Variants in GPC5 observed in about 807,000 individuals in gnomAD.
GPC5 encodes glypican-5.
Under a neutral mutation model 53.9 loss-of-function variants are expected in GPC5, and 47 were observed. The ratio of observed to expected loss-of-function variants is 0.87; its 90% confidence interval spans 0.69 to 1.11. GPC5 has a LOEUF of 1.11. Ranked by LOEUF, GPC5 falls within the 50% of genes most tolerant of loss-of-function variation. The pLI is 0.00. For synonymous variants in GPC5, 286 were observed against 263.3 expected, an observed-to-expected ratio of 1.09 and a Z score of -0.84; for missense variants, 748 against 713.1, an observed-to-expected ratio of 1.05 and a Z score of -0.56.
At chr13:92,086,005 C>G (rs2041332912) in intron 6 of GPC5, among the ~76,000 whole-genome samples, 1 of 152,158 alleles carries the variant, frequency 6.6e-6, no homozygotes, top group Non-Finnish European at 1.5e-5. Flanking sequence ...ATCCAGCAAG[C>G]CTTTTAAATG....
At chr13:92,532,221 C>T (rs1216712387) in intron 7 of GPC5, among the ~76,000 whole-genome samples, 2 of 152,148 alleles carry the variant, frequency 1.3e-5, no homozygotes, top group Non-Finnish European at 2.9e-5. Flanking sequence ...ATCCACAGGG[C>T]TGCAGTTTAG....
intron 2 of GPC5, among the ~76,000 whole-genome samples, chr13:91,484,208 G>A (rs1883463367): frequency 6.6e-6 from 1 of 152,116 alleles, no homozygotes; most frequent in Non-Finnish European, 1.5e-5. Flanking sequence ...GACATCGTGA[G>A]AAATGGTCTG....
intron 5 of GPC5, among the ~76,000 whole-genome samples, chr13:91,804,751 C>T (rs2038193060): frequency 6.6e-6 from 1 of 152,124 alleles, no homozygotes; most frequent in Non-Finnish European, 1.5e-5. Flanking sequence ...ATCTTGAGTC[C>T]CTAAGAGAGG....
intron 7 of GPC5, among the ~76,000 whole-genome samples, chr13:92,701,041 ACTT>A (rs1887720206): frequency 6.6e-6 from 1 of 152,106 alleles, no homozygotes; most frequent in African/African-American, 2.4e-5. Context: ...AGAGGTTTAC[ACTT>A]AAGACTTTGA....
intron 6 of GPC5, among the ~76,000 whole-genome samples, chr13:92,046,783 CA>C (rs2040985328): frequency 6.6e-6 from 1 of 152,080 alleles, no homozygotes; most frequent in Non-Finnish European, 1.5e-5. Flanking sequence ...AAAGAAAGGA[CA>C]AAAACACACT....
intron 7 of GPC5, among the ~76,000 whole-genome samples, chr13:92,814,592 C>T (rs1877402322): frequency 6.6e-6 from 1 of 150,614 alleles, no homozygotes; most frequent in Non-Finnish European, 1.5e-5. Flanking sequence ...ACCTGGGAGC[C>T]AGAGGCTGCA....
At chr13:92,066,722 T>C (rs961708367) in intron 6 of GPC5, among the ~76,000 whole-genome samples, 5 of 152,134 alleles carry the variant, frequency 3.3e-5, no homozygotes, top group African/African-American at 4.8e-5. Flanking sequence ...TATAGAATAC[T>C]ATCAAGATAT....
chr13:91,896,900 T>G (rs1011112808), intron 5 of GPC5, among the ~76,000 whole-genome samples: 4 of 152,106 alleles, frequency 2.6e-5, no homozygotes, highest in African/African-American at 7.2e-5. Flanking sequence ...ACAAATTAAT[T>G]TCTGTTACAT....
At chr13:91,809,197 CTGGATAATTAGTGGACAGTTT>C (rs552649425) in intron 5 of GPC5, among the ~76,000 whole-genome samples, 1 of 152,228 alleles carries the variant, frequency 6.6e-6, no homozygotes, top group African/African-American at 2.4e-5. Context: ...ATTTTATACT[CTGGATAATTAGTGGACAGTTT>C]TGTACCTTTG....
At chr13:91,636,318 TC>T (rs2034283147) in intron 2 of GPC5, among the ~76,000 whole-genome samples, 1 of 151,970 alleles carries the variant, frequency 6.6e-6, no homozygotes, top group Admixed American at 6.6e-5. Context: ...TGATTTATAA[TC>T]TATATAATAT....
intron 7 of GPC5, among the ~76,000 whole-genome samples, chr13:92,754,644 G>C (rs889945015): frequency 1.3e-5 from 2 of 151,036 alleles, no homozygotes; most frequent in African/African-American, 4.9e-5. Flanking sequence ...GATCTACCAA[G>C]CAAATGGAAA....
intron 7 of GPC5, among the ~76,000 whole-genome samples, chr13:92,232,920 A>C (rs1452630142): frequency 2.6e-5 from 4 of 152,204 alleles, no homozygotes; most frequent in African/African-American, 9.6e-5. Context: ...GAGAATCTTC[A>C]ACTTGACCCA....
At chr13:91,566,248 A>G (rs1448201949) in intron 2 of GPC5, among the ~76,000 whole-genome samples, 1 of 152,014 alleles carries the variant, frequency 6.6e-6, no homozygotes, top group East Asian at 1.9e-4. Flanking sequence ...CTTAAATGAG[A>G]ATGAGTTGAA....
intron 7 of GPC5, among the ~76,000 whole-genome samples, chr13:92,194,533 C>T (rs899778362): frequency 1.3e-5 from 2 of 152,198 alleles, no homozygotes; most frequent in African/African-American, 4.8e-5. Flanking sequence ...CTGCCACAAA[C>T]CTGTCTTATA....
chr13:92,232,920 A>G (rs1452630142), intron 7 of GPC5, among the ~76,000 whole-genome samples: 1 of 152,204 alleles, frequency 6.6e-6, no homozygotes, highest in South Asian at 2.1e-4. Context: ...GAGAATCTTC[A>G]ACTTGACCCA....
intron 7 of GPC5, among the ~76,000 whole-genome samples, chr13:92,547,456 C>T (rs1882158849): frequency 6.6e-6 from 1 of 152,136 alleles, no homozygotes. Flanking sequence ...TCACTGGAGG[C>T]AGATGTGGAC....
chr13:92,755,863 A>T (rs1388652668), intron 7 of GPC5, among the ~76,000 whole-genome samples: 2 of 145,258 alleles, frequency 1.4e-5, no homozygotes, highest in African/African-American at 5.1e-5. Flanking sequence ...AAAAGAGTCC[A>T]GGACCAGATG....
At chr13:92,428,609 C>G (rs1026149134) in intron 7 of GPC5, among the ~76,000 whole-genome samples, 2 of 152,050 alleles carry the variant, frequency 1.3e-5, no homozygotes, top group African/African-American at 4.8e-5. Context: ...CAAAGCACTC[C>G]AATGATCAGT....
chr13:91,838,441 C>A (rs960062000), intron 5 of GPC5, among the ~76,000 whole-genome samples: 1 of 151,854 alleles, frequency 6.6e-6, no homozygotes, highest in Non-Finnish European at 1.5e-5. Flanking sequence ...TGTTTTGTTT[C>A]GTTTTGTTTC....
Sources: gnomAD v4.1 joint callset for allele counts (sites outside exome capture counted in the v4.1 genomes callset) on GRCh38, gnomAD v4.1.1 for gene constraint, MANE v1.5 for transcripts, NCBI Gene and HGNC (gene_info 2026-07-23, HGNC 2026-07-21) for gene names.